PCDHGB4: variants seen among roughly 807,000 people sequenced by gnomAD.
PCDHGB4 encodes protocadherin gamma-B4.
Under a neutral mutation model 60.5 loss-of-function variants are expected in PCDHGB4, and 38 were observed. That is an observed-to-expected ratio of 0.63 (90% CI 0.48 to 0.82). The LOEUF is 0.82. PCDHGB4 is among the 40% of genes least tolerant of loss of function. The pLI is 0.00. For synonymous variants in PCDHGB4, 456 were observed against 509.7 expected (o/e 0.89, Z 1.42); for missense variants, 1,109 against 1,209.6 (o/e 0.92, Z 1.23).
intron 3 of PCDHGB4, among the ~76,000 whole-genome samples, chr5:141,509,015 C>T (rs1370464396): frequency 6.6e-6 from 1 of 152,098 alleles, no homozygotes; most frequent in East Asian, 1.9e-4. Flanking sequence ...AAGTGGGCAG[C>T]TGCTCCCTCC....
At chr5:141,409,919 G>T (rs774277848) in intron 1 of PCDHGB4, 1 of 1,613,346 alleles carries the variant, frequency 6.2e-7, no homozygotes, top group Non-Finnish European at 8.5e-7. Context: ...TGACGGCTCC[G>T]CGTTCTTCGA....
At position 141,418,260 on chromosome 5, in the gene PCDHGB4, G is replaced by C. The variant is rs144490159; in HGVS notation, c.2397+27979G>C. On this transcript the variant is annotated intron_variant, in intron 1 of 3. Transcript: ENST00000519479. Reference sequence around the variant, plus strand: ...GTTAATGACCACGCCCCTCAATTCCGGAAAGATGAAATAAACTTAGAAATC... The same window carrying C: ...GTTAATGACCACGCCCCTCAATTCCCGAAAGATGAAATAAACTTAGAAATC... 2.5e-6 allele frequency: 4 copies of C among 1,613,888 alleles called. No individual in the cohort carries two copies. Among genetic ancestry groups the C allele is most frequent in the South Asian group, 1.1e-5 (1 of 91,088 alleles).
chr5:141,483,716 G>C (rs772661472), intron 1 of PCDHGB4, among the ~76,000 whole-genome samples: 1 of 151,974 alleles, frequency 6.6e-6, no homozygotes, highest in Non-Finnish European at 1.5e-5. Context: ...CCAGAATATT[G>C]GTTCCCACCA....
At chr5:141,399,002 C>G in intron 1 of PCDHGB4, 6 of 1,613,830 alleles carry the variant, frequency 3.7e-6, no homozygotes, top group Non-Finnish European at 4.2e-6. Context: ...AGTCTGAATT[C>G]AAAGAGCGGA....
chr5:141,397,012 A>C (rs944352237), intron 1 of PCDHGB4, among the ~76,000 whole-genome samples: 2 of 152,260 alleles, frequency 1.3e-5, no homozygotes, highest in African/African-American at 4.8e-5. Flanking sequence ...AATGGACTAA[A>C]GAAGGTTGAC....
intron 1 of PCDHGB4, chr5:141,419,302 C>A: frequency 6.2e-7 from 1 of 1,614,024 alleles, no homozygotes; most frequent in Non-Finnish European, 8.5e-7. Flanking sequence ...ACCCAGACTT[C>A]GGGCTCAACG....
At chr5:141,412,133 C>T (rs2095537829) in intron 1 of PCDHGB4, 1 of 152,184 alleles carries the variant, frequency 6.6e-6, no homozygotes, top group African/African-American at 2.4e-5. Flanking sequence ...GGACTTTGGC[C>T]TCTGATACAA....
chr5:141,408,077 G>A, intron 1 of PCDHGB4: 2 of 1,408,130 alleles, frequency 1.4e-6, no homozygotes, highest in South Asian at 3.0e-5. Context: ...ACCTTTCCCA[G>A]CACAGCGGAT....
At chr5:141,409,908 C>T (rs1255447661) in intron 1 of PCDHGB4, 1 of 1,613,204 alleles carries the variant, frequency 6.2e-7, no homozygotes, top group Non-Finnish European at 8.5e-7. Context: ...GCTCTGGGTC[C>T]TGACGGCTCC....
intron 1 of PCDHGB4, among the ~76,000 whole-genome samples, chr5:141,469,061 G>C (rs960166489): frequency 1.3e-5 from 2 of 152,010 alleles, no homozygotes; most frequent in African/African-American, 4.8e-5. Flanking sequence ...AGGATTGCTT[G>C]AGCCTAGGAG....
chr5:141,481,455 C>T (rs2099537897), intron 1 of PCDHGB4, among the ~76,000 whole-genome samples: 1 of 152,176 alleles, frequency 6.6e-6, no homozygotes, highest in African/African-American at 2.4e-5. Flanking sequence ...TGTAAATACA[C>T]TGAAAACCAT....
At position 141,431,052 on chromosome 5, in the gene PCDHGB4, G is replaced by A. The variant is rs148326556; in HGVS notation, c.2397+40771G>A. On this transcript the variant is annotated intron_variant, in intron 1 of 3. Transcript: ENST00000519479. The surrounding 1 kb of genome is among the most constrained non-coding windows in gnomAD (Gnocchi z 4.8). Reference sequence around the variant, plus strand: ...ATAGACCGGGAGGAGCTCTGTATGGGGGCCATCAAGTGTCAATTAAATCTA... The same window carrying A: ...ATAGACCGGGAGGAGCTCTGTATGGAGGCCATCAAGTGTCAATTAAATCTA... 2 of 1,614,228 alleles carry A rather than the reference G, an allele frequency of 1.2e-6. No individual in the cohort carries two copies. The highest frequency in any genetic ancestry group is 1.7e-6 in the Non-Finnish European group (2 of 1,180,044).
chr5:141,464,973 TTC>T (rs2154568681), intron 1 of PCDHGB4, among the ~76,000 whole-genome samples: 1 of 152,092 alleles, frequency 6.6e-6, no homozygotes, highest in East Asian at 1.9e-4. Flanking sequence ...AACTACTGGC[TTC>T]AAGTGATCCT....
At chr5:141,495,292 C>T (rs74321313) in intron 2 of PCDHGB4, among the ~76,000 whole-genome samples, 8,567 of 152,256 alleles carry the variant, frequency 0.056, 526 homozygotes, top group African/African-American at 0.16. Context: ...CCGCACTCAG[C>T]GCCTCCTCCA....
chr5:141,413,517 G>A (rs1561743187), intron 1 of PCDHGB4: 1 of 1,613,946 alleles, frequency 6.2e-7, no homozygotes. Flanking sequence ...ATATCCTTGT[G>A]GAAGACAGGG....
At chr5:141,421,824 A>G in intron 1 of PCDHGB4, 1 of 1,613,768 alleles carries the variant, frequency 6.2e-7, no homozygotes, top group Non-Finnish European at 8.5e-7. Flanking sequence ...TACTGGAGGG[A>G]AGCCTGGACC....
intron 1 of PCDHGB4, among the ~76,000 whole-genome samples, chr5:141,481,913 CAAAAAAAAA>C (rs34114744): frequency 1.1e-5 from 1 of 90,852 alleles, no homozygotes; most frequent in Non-Finnish European, 2.2e-5. Flanking sequence ...AACTCCATCT[CAAAAAAAAA>C]AAAAAAAAAA....
At chr5:141,468,697 T>A (rs2099174099) in intron 1 of PCDHGB4, 1 of 151,646 alleles carries the variant, frequency 6.6e-6, no homozygotes, top group Non-Finnish European at 1.5e-5. Context: ...AAACCCCGTC[T>A]CTACTAAAAA....
chr5:141,487,920 C>G lies in PCDHGB4; in HGVS notation c.2398-6887C>G, dbSNP rs561819225. On this transcript the variant is annotated intron_variant, in intron 1 of 3. Coordinates refer to ENST00000519479, the MANE Select transcript of PCDHGB4 (RefSeq NM_003736.4). This position sits in a 1 kb window ranked among gnomAD's most constrained non-coding sequence, Gnocchi z 5.0. ...TGGAATGTGGGAGCACAGGAGGCTA[C>G]AGTGCACAGGGTACAGTGCACCAGG... The G allele has an allele frequency of 4.7e-6, 3 of 644,662 alleles. No individual in the cohort carries two copies. The Admixed American group carries it at 8.5e-5, about 18-fold the overall frequency. 39.9% of individuals were successfully genotyped at this position (644,662 alleles called of 1,614,324 possible).
Sources: gnomAD v4.1 joint callset for allele counts (sites outside exome capture counted in the v4.1 genomes callset) on GRCh38, gnomAD v4.1.1 for gene constraint, Gnocchi (gnomAD v3.1) non-coding constraint, MANE v1.5 for transcripts, NCBI Gene and HGNC (gene_info 2026-07-23, HGNC 2026-07-21) for gene names.